DST: variants seen among roughly 807,000 people sequenced by gnomAD.
DST encodes the protein dystonin.
In DST, 253 loss-of-function variants were observed where a neutral mutation model predicts 875.2. The observed-to-expected ratio is 0.29, with a 90% CI of 0.26 to 0.32. The LOEUF (loss-of-function observed/expected upper bound fraction) is 0.32. Ranked by LOEUF, DST falls within the 10% of genes least tolerant of loss-of-function variation. The pLI is 1.00. For missense variants in DST, 8,287 were observed against 9,111.6 expected, an observed-to-expected ratio of 0.91 and a Z score of 3.68; for synonymous variants, 3,124 against 3,197.1, an observed-to-expected ratio of 0.98 and a Z score of 0.77.
chr6:56,771,636 T>C (rs2099665300), intron 4 of DST, among the ~76,000 whole-genome samples: 2 of 152,144 alleles, frequency 1.3e-5, no homozygotes, highest in Admixed American at 6.6e-5. Flanking sequence ...AAACTGGAAA[T>C]ACCTGGACAT....
chr6:56,938,982 G>A (rs996809329), intron 2 of DST, among the ~76,000 whole-genome samples: 1 of 152,266 alleles, frequency 6.6e-6, no homozygotes, highest in African/African-American at 2.4e-5. Context: ...AATGATTAAT[G>A]TCTAAGTTAC....
intron 2 of DST, among the ~76,000 whole-genome samples, chr6:56,906,148 C>T (rs1796320644): frequency 6.6e-6 from 1 of 152,138 alleles, no homozygotes; most frequent in East Asian, 1.9e-4. Flanking sequence ...TTTTGAGAAA[C>T]CACCATACTG....
intron 4 of DST, among the ~76,000 whole-genome samples, chr6:56,768,231 T>C (rs1408177791): frequency 4.6e-5 from 7 of 152,162 alleles, no homozygotes; most frequent in African/African-American, 9.7e-5. Flanking sequence ...CAACCTAGAA[T>C]AGACAACACA....
At chr6:56,803,321 T>C (rs1161268136) in intron 4 of DST, among the ~76,000 whole-genome samples, 2 of 152,254 alleles carry the variant, frequency 1.3e-5, no homozygotes, top group Non-Finnish European at 2.9e-5. Flanking sequence ...GCAATCTTAC[T>C]TGGTAACTTT....
intron 50 of DST, among the ~76,000 whole-genome samples, chr6:56,577,517 A>T (rs1376324017): frequency 6.6e-6 from 1 of 152,200 alleles, no homozygotes; most frequent in Non-Finnish European, 1.5e-5. Context: ...ATGGGGATGC[A>T]GGCTGAAGAT....
At chr6:56,638,798 C>G (rs2098849059) in intron 22 of DST, 1 of 188,902 alleles carries the variant, frequency 5.3e-6, no homozygotes, top group Admixed American at 5.4e-5. Context: ...ATCATAACAG[C>G]TGGTATTTTT....
chr6:56,677,913 C>G (rs1295979803), intron 9 of DST, among the ~76,000 whole-genome samples: 1 of 152,164 alleles, frequency 6.6e-6, no homozygotes, highest in Non-Finnish European at 1.5e-5. Flanking sequence ...ATACCTTAAA[C>G]TGCTTTTATC....
At chr6:56,558,260 C>T (rs1190952831) in intron 58 of DST, among the ~76,000 whole-genome samples, 1 of 152,064 alleles carries the variant, frequency 6.6e-6, no homozygotes, top group Non-Finnish European at 1.5e-5. Context: ...GTATTTTTTA[C>T]ATTGATATAT....
intron 47 of DST, among the ~76,000 whole-genome samples, chr6:56,595,119 A>T (rs769671976): frequency 6.6e-6 from 1 of 152,132 alleles, no homozygotes; most frequent in Admixed American, 6.5e-5. Flanking sequence ...GCAATTTCCC[A>T]CATTTCTTAT....
chr6:56,506,434 T>A lies in DST; in HGVS notation c.19464+9A>T, dbSNP rs2096316138. ...GCTAAGACCAGCACATACACTGTAATCCCCTTACCTGCAGTCCATCCTGGT... is the reference window on the plus strand; with the variant it reads ...GCTAAGACCAGCACATACACTGTAAACCCCTTACCTGCAGTCCATCCTGGT... On this transcript the variant is annotated intron_variant, in intron 77 of 103. Transcript: ENST00000680361. The A allele has an allele frequency of 6.2e-7, 1 of 1,606,380 alleles. No homozygotes were observed. The highest frequency in any genetic ancestry group is 8.5e-7 in the Non-Finnish European group (1 of 1,175,074).
In DST at chr6:56,605,863, G is replaced by A. The variant is rs375864427; in HGVS notation, c.8765C>T (p.Pro2922Leu). 1.5e-4 allele frequency: 241 copies of A among 1,612,238 alleles called. No individual in the cohort carries two copies. In the African/African-American group the frequency reaches 2.5e-3, roughly 17 times the overall value. Residue 2922 changes from proline (P) to leucine (L), a missense_variant, in exon 40 of 104, where the codon CCG (proline) becomes CTG (leucine). This residue lies in a region of DST where 3,138 missense variants were observed against 3,116.6 expected (regional missense o/e 1.01). Transcript: ENST00000680361. ...NHEMVLKDVL[P>L]PIIKDTESEK... Reference sequence around the variant, plus strand: ...AGATTCAGTGTCTTTAATGATAGGCGGCAATACATCCTTAAGTACCATCTC... The same window carrying A: ...AGATTCAGTGTCTTTAATGATAGGCAGCAATACATCCTTAAGTACCATCTC...
chr6:56,695,926 T>A (rs2152866763), intron 9 of DST, among the ~76,000 whole-genome samples: 1 of 152,378 alleles, frequency 6.6e-6, no homozygotes, highest in Non-Finnish European at 1.5e-5. Flanking sequence ...TAAATCTTTA[T>A]ATCTTGGCAT....
chr6:56,788,047 T>C (rs1564183688), intron 4 of DST, among the ~76,000 whole-genome samples: 1 of 136,076 alleles, frequency 7.3e-6, no homozygotes, highest in Non-Finnish European at 1.5e-5. Context: ...GAAAATCACT[T>C]GAACCTGGGA....
chr6:56,727,259 A>G (rs1485627211), intron 5 of DST, among the ~76,000 whole-genome samples: 1 of 152,202 alleles, frequency 6.6e-6, no homozygotes, highest in Non-Finnish European at 1.5e-5. Context: ...ACCAATGTAC[A>G]TCTTACACAT....
At chr6:56,663,607 T>C (rs1378617001) in intron 10 of DST, among the ~76,000 whole-genome samples, 1 of 152,254 alleles carries the variant, frequency 6.6e-6, no homozygotes, top group Non-Finnish European at 1.5e-5. Context: ...TGTGACTGAA[T>C]TCACGCATGT....
At chr6:56,539,010 A>G (rs2097070313) in intron 61 of DST, among the ~76,000 whole-genome samples, 1 of 152,162 alleles carries the variant, frequency 6.6e-6, no homozygotes, top group Non-Finnish European at 1.5e-5. Flanking sequence ...CTACTTATCA[A>G]AAAGTGGGGG....
intron 80 of DST, among the ~76,000 whole-genome samples, chr6:56,498,379 T>C (rs969955228): frequency 1.3e-5 from 2 of 152,076 alleles, no homozygotes; most frequent in African/African-American, 2.4e-5. Context: ...CTCACTATGT[T>C]GCCCAGGCTG....
intron 2 of DST, among the ~76,000 whole-genome samples, chr6:56,937,078 A>C (rs1813379734): frequency 6.6e-6 from 1 of 152,208 alleles, no homozygotes; most frequent in South Asian, 2.1e-4. Context: ...TGCCTTGAAA[A>C]AAAAGCAGCA....
intron 2 of DST, among the ~76,000 whole-genome samples, chr6:56,910,353 C>T (rs1798315329): frequency 6.6e-6 from 1 of 152,160 alleles, no homozygotes; most frequent in African/African-American, 2.4e-5. Flanking sequence ...GAGACAAGGT[C>T]TCACATGTTG....
Sources: allele counts gnomAD v4.1 joint callset (sites outside exome capture counted in the v4.1 genomes callset), GRCh38; gene constraint gnomAD v4.1.1; regional missense constraint gnomAD v4.1.1; transcripts MANE v1.5; gene names NCBI Gene and HGNC (gene_info 2026-07-23, HGNC 2026-07-21).